Variants in SGSM1 observed in about 807,000 individuals in gnomAD.
The protein encoded by SGSM1 is RUN and TBC1 domain containing 2.
In SGSM1, 73 loss-of-function variants were observed where a neutral mutation model predicts 133.8. The ratio of observed to expected loss-of-function variants is 0.55; its 90% CI spans 0.45 to 0.66. The LOEUF is 0.66. SGSM1 is among the 30% of genes least tolerant of loss of function. SGSM1 has a pLI of 0.00. For synonymous variants in SGSM1, 563 were observed against 573.0 expected (o/e 0.98, Z 0.25); for missense variants, 1,213 against 1,448.1 (o/e 0.84, Z 2.64).
chr22:24,876,294 C>G (rs1249321323), intron 12 of SGSM1, among the ~76,000 whole-genome samples: 1 of 152,176 alleles, frequency 6.6e-6, no homozygotes, highest in African/African-American at 2.4e-5. Context: ...GCTTGGCCTC[C>G]TGCTCTGGGA....
intron 2 of SGSM1, among the ~76,000 whole-genome samples, chr22:24,827,858 C>A (rs1273772733): frequency 6.6e-6 from 1 of 152,046 alleles, no homozygotes; most frequent in Non-Finnish European, 1.5e-5. Flanking sequence ...CTCTCACTCT[C>A]TCAGCTGCCT....
intron 6 of SGSM1, 58 bp downstream of exon 6, chr22:24,855,121 A>G: frequency 6.3e-7 from 1 of 1,576,076 alleles, no homozygotes; most frequent in Non-Finnish European, 8.6e-7. Flanking sequence ...TCTGAGGGGC[A>G]CCTTCTCCAG....
chr22:24,896,442 C>T (rs117827774), intron 18 of SGSM1, among the ~76,000 whole-genome samples: 3,192 of 152,144 alleles, frequency 0.021, 82 homozygotes, highest in East Asian at 0.056. Flanking sequence ...GACTTTGGAA[C>T]ATGATCTTTA....
intron 2 of SGSM1, among the ~76,000 whole-genome samples, chr22:24,838,111 G>T (rs1249852290): frequency 6.6e-6 from 1 of 152,178 alleles, no homozygotes; most frequent in Non-Finnish European, 1.5e-5. Context: ...ATTTCTGTAT[G>T]TGGTATAAGG....
At chr22:24,895,112 G>A (rs1169244982) in intron 17 of SGSM1, 111 bp from the exon 18 acceptor site, 2 of 1,046,042 alleles carry the variant, frequency 1.9e-6, no homozygotes, top group Non-Finnish European at 2.9e-6. Context: ...ACTTGTGCAA[G>A]TTAGGAATAG....
At chr22:24,856,799 C>T (rs573242168) in intron 8 of SGSM1, among the ~76,000 whole-genome samples, 5 of 148,830 alleles carry the variant, frequency 3.4e-5, no homozygotes, top group East Asian at 2.0e-4. Flanking sequence ...GACAGAGTCT[C>T]GCTCTATTGC....
chr22:24,813,256 C>G (rs1258063200), intron 2 of SGSM1, among the ~76,000 whole-genome samples: 1 of 152,182 alleles, frequency 6.6e-6, no homozygotes, highest in African/African-American at 2.4e-5. Context: ...GCTGATTGTT[C>G]AAGACCTTGT....
At chr22:24,913,878 G>A (rs1024700725) in intron 22 of SGSM1, among the ~76,000 whole-genome samples, 11 of 151,736 alleles carry the variant, frequency 7.2e-5, no homozygotes, top group South Asian at 6.2e-4. Flanking sequence ...AACATTGGCC[G>A]GGGTGCGGTG....
chr22:24,817,952 C>T (rs905892356), intron 2 of SGSM1, among the ~76,000 whole-genome samples: 1 of 151,958 alleles, frequency 6.6e-6, no homozygotes, highest in Non-Finnish European at 1.5e-5. Context: ...CAAATCCCGA[C>T]GGGGTGCAGT....
rs1164247245 is a variant in SGSM1 at position 24,925,279 on chromosome 22, C to G, written c.*1005C>G. 6.6e-6 allele frequency: 1 copy of G among 152,048 alleles called. No individual in the cohort carries two copies. The highest frequency in any genetic ancestry group is 1.5e-5 in the Non-Finnish European group (1 of 68,068). 9.4% of individuals were successfully genotyped at this position (152,048 alleles called of 1,614,324 possible). On this transcript the variant is annotated 3_prime_UTR_variant, in exon 25 of 25. Coordinates refer to ENST00000400358, the MANE Select transcript of SGSM1 (RefSeq NM_001098497.3). ...GGCTGAGGCAGGAGAATCACTTGAA[C>G]CTGGGAGGTGGAGGTTGCAGTGAGT... is the stretch of plus-strand genomic sequence containing the variant.
At chr22:24,858,720 G>T (rs1359495847) in intron 8 of SGSM1, among the ~76,000 whole-genome samples, 1 of 151,548 alleles carries the variant, frequency 6.6e-6, no homozygotes, top group East Asian at 1.9e-4. Context: ...TGCCTTGCCA[G>T]CATCTCACAG....
chr22:24,921,710 T>A (rs947617221), intron 24 of SGSM1, among the ~76,000 whole-genome samples: 3 of 151,976 alleles, frequency 2.0e-5, no homozygotes, highest in Non-Finnish European at 4.4e-5. Flanking sequence ...TATCTTTTTT[T>A]TTTTTTGAGA....
intron 2 of SGSM1, among the ~76,000 whole-genome samples, chr22:24,816,365 C>T (rs776504973): frequency 1.4e-4 from 21 of 151,288 alleles, no homozygotes; most frequent in Non-Finnish European, 2.9e-4. Context: ...TGATAATAAA[C>T]ATAAACAAAA....
intron 20 of SGSM1, among the ~76,000 whole-genome samples, chr22:24,904,577 CAAAA>C (rs36019944): frequency 8.7e-6 from 1 of 115,210 alleles, no homozygotes. Flanking sequence ...GACTCCGTCT[CAAAA>C]AAAAAAAAAA....
At chr22:24,875,598 C>A (rs890032065) in intron 12 of SGSM1, among the ~76,000 whole-genome samples, 1 of 151,104 alleles carries the variant, frequency 6.6e-6, no homozygotes, top group Non-Finnish European at 1.5e-5. Context: ...CAAGACCACG[C>A]CACTGCACTC....
At chr22:24,901,763 T>C in intron 19 of SGSM1, 70 bp from the exon 20 acceptor site, 1 of 1,549,362 alleles carries the variant, frequency 6.5e-7, no homozygotes, top group Non-Finnish European at 8.8e-7. Context: ...ATAGGATTGC[T>C]GCTTTCCAGT....
chr22:24,842,594 G>C (rs543563691), intron 2 of SGSM1, among the ~76,000 whole-genome samples: 1 of 152,312 alleles, frequency 6.6e-6, no homozygotes, highest in East Asian at 1.9e-4. Flanking sequence ...CAGAATGGTT[G>C]CCCTCATGGG....
intron 2 of SGSM1, among the ~76,000 whole-genome samples, chr22:24,824,652 G>T (rs972258278): frequency 6.6e-6 from 1 of 152,128 alleles, no homozygotes; most frequent in African/African-American, 2.4e-5. Flanking sequence ...TGGCTATGTG[G>T]GGGCAGTCAC....
At chr22:24,846,351 G>A (rs750214810) in intron 3 of SGSM1, among the ~76,000 whole-genome samples, 1 of 151,404 alleles carries the variant, frequency 6.6e-6, no homozygotes, top group Non-Finnish European at 1.5e-5. Context: ...TAAACATATA[G>A]CTCTACACAC....
Sources: allele counts gnomAD v4.1 joint callset (sites outside exome capture counted in the v4.1 genomes callset), GRCh38; gene constraint gnomAD v4.1.1; transcripts MANE v1.5; gene names NCBI Gene and HGNC (gene_info 2026-07-23, HGNC 2026-07-21).